Variants in TLR1 observed in about 807,000 individuals in gnomAD.
The protein encoded by TLR1 is toll-like receptor 1.
TLR1 carries 19 observed loss-of-function variants against 20.2 expected under a neutral mutation model. The ratio of observed to expected loss-of-function variants is 0.94; its 90% CI spans 0.66 to 1.38. The LOEUF is 1.38. TLR1 is among the 40% of genes most tolerant of loss of function. TLR1 has a pLI of 0.00. For synonymous variants in TLR1, 320 were observed against 334.5 expected (o/e 0.96, Z 0.47); for missense variants, 921 against 910.0 (o/e 1.01, Z -0.16).
rs1170005120 is a variant in TLR1, at chr4:38,798,703, TAG to T, written c.127_128del (p.Leu43IlefsTer16). 1 of 1,613,954 alleles carries T rather than the reference TAG, an allele frequency of 6.2e-7. No individual in the cohort carries two copies. Among genetic ancestry groups the T allele is most frequent in the South Asian group, 1.1e-5 (1 of 91,036 alleles). ...TATTTAAGATTGTTGTTTTCTGGGA[TAG>T]GTCTTTAGGAACGTGGATGAGACCG... is the stretch of plus-strand genomic sequence containing the variant. The part of the protein sequence containing the change: ...KNGLIHVPKD[L>X]SQKTTILNIS... On this transcript the variant is annotated frameshift_variant, in exon 4 of 4. Coordinates refer to ENST00000308979, the MANE Select transcript of TLR1 (RefSeq NM_003263.4). LOFTEE classifies it low-confidence loss of function (END_TRUNC).
Position 38,798,859 on chromosome 4 carries a change from A to G in TLR1, c.-28T>C. The G allele has an allele frequency of 6.6e-7, 1 of 1,509,184 alleles. No individual in the cohort carries two copies. 93.5% of individuals were successfully genotyped at this position (1,509,184 alleles called of 1,614,324 possible). On this transcript the variant is annotated 5_prime_UTR_variant, in exon 4 of 4. Coordinates refer to ENST00000308979, the MANE Select transcript of TLR1 (RefSeq NM_003263.4). ...TGGAACACTAGACATTCCTAAAGGT[A>G]GAAGCTGTTCTTCAGATCATCTTGA...
In TLR1 at chr4:38,797,308, A is replaced by T. The variant is rs763844691; in HGVS notation, c.1524T>A (p.Asp508Glu). The T allele has an allele frequency of 2.5e-6, 4 of 1,614,164 alleles. No individual in the cohort carries two copies. The highest frequency in any genetic ancestry group is 3.4e-6 in the Non-Finnish European group (4 of 1,180,026). The change falls in exon 4 of 4, where the codon GAT becomes GAA. Residue 508 changes from aspartate (D) to glutamate (E), a missense_variant. Transcript: ENST00000308979. ...DHNSVSHPSA[D>E]FFQSCQKMRS... is the part of the protein sequence containing the mutation. ...TCATCTTCTGGCAGCTCTGGAAGAA[A>T]TCAGCCGATGGGTGGGAAACTGAAT...
rs1177391504 is a variant in TLR1 at position 38,796,665 on chromosome 4, A to G, written c.2167T>C (p.Ser723Pro). 6.2e-7 allele frequency: 1 copy of G among 1,614,078 alleles called. No individual in the cohort carries two copies. Among genetic ancestry groups the G allele is most frequent in the Admixed American group, 1.7e-5 (1 of 59,998 alleles). ...FAHHNLFHEGSNSLILILLEP... is the reference protein window; with the variant it reads ...FAHHNLFHEGPNSLILILLEP... ...AGCAAGATCAGGATTAAGCTATTAG[A>G]TCCTTCATGAAAGAGATTGTGATGG... Residue 723 changes from serine to proline, a missense_variant, in exon 4 of 4, where the codon TCT becomes CCT. Physicochemically the swap from Ser to Pro is moderately conservative, Grantham distance 74. Transcript: ENST00000308979.
downstream of TLR1, among the ~76,000 whole-genome samples, chr4:38,793,820 G>T (rs1033771100): frequency 6.6e-6 from 1 of 151,938 alleles, no homozygotes; most frequent in Non-Finnish European, 1.5e-5. Context: ...GTTGTTGGGA[G>T]ATGTACTTAG....
chr4:38,802,864 G>T (rs1726766393), intron 2 of TLR1, among the ~76,000 whole-genome samples: 1 of 152,118 alleles, frequency 6.6e-6, no homozygotes, highest in Admixed American at 6.5e-5. Flanking sequence ...CATAGGGAAG[G>T]TTCATCCCTT....
At chr4:38,801,642 G>A (rs963640137) in intron 2 of TLR1, among the ~76,000 whole-genome samples, 7 of 152,178 alleles carry the variant, frequency 4.6e-5, no homozygotes, top group African/African-American at 9.7e-5. Context: ...ACAGTCAGGC[G>A]TGGTATTCAA....
At chr4:38,801,934 C>T (rs947003547) in intron 2 of TLR1, among the ~76,000 whole-genome samples, 16 of 152,212 alleles carry the variant, frequency 1.1e-4, no homozygotes, top group African/African-American at 3.6e-4. Context: ...CCATGGCTCA[C>T]GCCTGTAATT....
intron 3 of TLR1, among the ~76,000 whole-genome samples, chr4:38,799,545 A>G (rs1338269823): frequency 2.6e-5 from 4 of 152,206 alleles, no homozygotes; most frequent in Non-Finnish European, 4.4e-5. Flanking sequence ...ATCATCTGTT[A>G]CAGCAGCCTC....
chr4:38,789,842 C>T (rs543706247), downstream of TLR1, among the ~76,000 whole-genome samples: 2 of 152,266 alleles, frequency 1.3e-5, no homozygotes, highest in East Asian at 1.9e-4. Context: ...AATTGATGTT[C>T]AGTGTTTACA....
Position 38,796,324 on chromosome 4 carries a change from G to A in TLR1, c.*147C>T. On this transcript the variant is annotated 3_prime_UTR_variant, in exon 4 of 4. Coordinates refer to ENST00000308979, the MANE Select transcript of TLR1 (RefSeq NM_003263.4). ...ATTTTTAATACCACATATAAATGGT[G>A]AACTGCGACCCGAAGGTATATATTT... is the stretch of plus-strand genomic sequence containing the variant. 2 of 831,344 alleles carry A rather than the reference G, an allele frequency of 2.4e-6. No individual in the cohort carries two copies. The highest frequency in any genetic ancestry group is 3.7e-6 in the Non-Finnish European group (2 of 547,806). The allele number at this position is 831,344 out of a possible 1,614,324, so 51.5% of individuals were successfully genotyped here.
chr4:38,797,763 T>C lies in TLR1; in HGVS notation c.1069A>G (p.Asn357Asp). Residue 357 changes from asparagine to aspartate, a missense_variant, in exon 4 of 4, where the codon AAT (asparagine) becomes GAT (aspartate). Physicochemically the swap from Asn to Asp is conservative, Grantham distance 23 (BLOSUM62 1). Coordinates refer to ENST00000308979, the MANE Select transcript of TLR1 (RefSeq NM_003263.4). ...ISPFLHLDFS[N>D]NLLTDTVFEN... ...AAAACCGTGTCTGTTAAGAGATTATTGGAAAAATCCAAATGCAGGAACGGG... is the reference window on the plus strand; with the variant it reads ...AAAACCGTGTCTGTTAAGAGATTATCGGAAAAATCCAAATGCAGGAACGGG... The C allele has an allele frequency of 1.2e-6, 2 of 1,614,114 alleles. No homozygotes were observed. Among genetic ancestry groups the C allele is most frequent in the African/African-American group, 1.3e-5 (1 of 75,056 alleles).
rs142003616 is a variant in TLR1 at position 38,799,100 on chromosome 4, A to G, written c.-67-202T>C. Among the ~76,000 whole-genome samples, 481 of 152,330 alleles carry G rather than the reference A, an allele frequency of 3.2e-3. 17 individuals carry two copies. The highest frequency in any genetic ancestry group is 2.7e-3 in the Non-Finnish European group (187 of 68,036). ...CAGCTCTAATCAAATAAGTTTTAATATGGATGGTGTAATAGGTTGAATGGT... is the reference window on the plus strand; with the variant it reads ...CAGCTCTAATCAAATAAGTTTTAATGTGGATGGTGTAATAGGTTGAATGGT... On this transcript the variant is annotated intron_variant, in intron 3 of 3. Transcript: ENST00000308979.
At chr4:38,793,125 G>T (rs1283664165), downstream of TLR1, among the ~76,000 whole-genome samples, 1 of 151,974 alleles carries the variant, frequency 6.6e-6, no homozygotes, top group African/African-American at 2.4e-5. Flanking sequence ...AGAGGTTTTG[G>T]TATATTATGA....
rs367864546 is a variant in TLR1, at chr4:38,796,465, T to C, written c.*6A>G. The C allele has an allele frequency of 1.6e-5, 25 of 1,601,696 alleles. No individual in the cohort carries two copies. The highest frequency in any genetic ancestry group is 2.0e-5 in the Non-Finnish European group (23 of 1,170,886). Reference sequence around the variant, plus strand: ...CAGGAGGAATATTTTTCACTTGATGTGTAATCTATTTCTTTGCTTGCTCTG... The same window carrying C: ...CAGGAGGAATATTTTTCACTTGATGCGTAATCTATTTCTTTGCTTGCTCTG... On this transcript the variant is annotated 3_prime_UTR_variant, in exon 4 of 4. Coordinates refer to ENST00000308979, the MANE Select transcript of TLR1 (RefSeq NM_003263.4).
At chr4:38,789,382 TA>T (rs1309434957), downstream of TLR1, among the ~76,000 whole-genome samples, 1 of 152,268 alleles carries the variant, frequency 6.6e-6, no homozygotes, top group Non-Finnish European at 1.5e-5. Context: ...AATCTGTTGT[TA>T]AACATTTACC....
chr4:38,789,019 T>C (rs781436707), downstream of TLR1, among the ~76,000 whole-genome samples: 2 of 152,114 alleles, frequency 1.3e-5, no homozygotes, highest in Non-Finnish European at 2.9e-5. Context: ...AATAAATAAA[T>C]AAATAAATAA....
At chr4:38,793,993 T>G (rs1394949322), downstream of TLR1, among the ~76,000 whole-genome samples, 1 of 152,118 alleles carries the variant, frequency 6.6e-6, no homozygotes, top group Non-Finnish European at 1.5e-5. Flanking sequence ...GAGACTGGGT[T>G]GTCCACAGTA....
chr4:38,803,079 C>T (rs898047830), intron 2 of TLR1, among the ~76,000 whole-genome samples: 4 of 152,260 alleles, frequency 2.6e-5, no homozygotes, highest in Admixed American at 1.3e-4. Context: ...AAGGGAGAGC[C>T]GGACGCACAG....
chr4:38,803,670 T>G (rs528995063), intron 2 of TLR1, among the ~76,000 whole-genome samples: 1 of 152,328 alleles, frequency 6.6e-6, no homozygotes, highest in East Asian at 1.9e-4. Context: ...TCCATGAAAA[T>G]CAATGTCTCA....
Sources: allele counts gnomAD v4.1 joint callset (sites outside exome capture counted in the v4.1 genomes callset), GRCh38; gene constraint gnomAD v4.1.1; transcripts MANE v1.5; gene names NCBI Gene and HGNC (gene_info 2026-07-23, HGNC 2026-07-21).